Variants in TAX1BP1 observed in about 807,000 individuals in gnomAD.
TAX1BP1 encodes the protein tax1-binding protein 1.
In TAX1BP1, 62 loss-of-function variants were observed where a neutral mutation model predicts 97.7. The ratio of observed to expected loss-of-function variants is 0.63; its 90% CI spans 0.52 to 0.78. The LOEUF is 0.78. Among genes scored for constraint, TAX1BP1 ranks in the 30% least tolerant of loss-of-function variants. TAX1BP1 has a pLI of 0.00. For missense variants in TAX1BP1, 867 were observed against 916.1 expected, an observed-to-expected ratio of 0.95 and a Z score of 0.69; for synonymous variants, 340 against 304.2, an observed-to-expected ratio of 1.12 and a Z score of -1.23.
intron 11 of TAX1BP1, among the ~76,000 whole-genome samples, chr7:27,795,754 G>A (rs1035317318): frequency 2.6e-5 from 4 of 152,144 alleles, no homozygotes; most frequent in Non-Finnish European, 2.9e-5. Flanking sequence ...GGATTTCACC[G>A]TGTTAGCCAG....
At chr7:27,824,141 A>T (rs1201922229) in intron 15 of TAX1BP1, among the ~76,000 whole-genome samples, 1 of 152,166 alleles carries the variant, frequency 6.6e-6, no homozygotes, top group Non-Finnish European at 1.5e-5. Flanking sequence ...TATACCCTGA[A>T]GTAGAATTGC....
At position 27,769,840 on chromosome 7, in the gene TAX1BP1, T is replaced by G. The variant is rs1554314502; in HGVS notation, c.612+6T>G. 4.3e-6 allele frequency: 7 copies of G among 1,611,360 alleles called. No homozygotes were observed. The highest frequency in any genetic ancestry group is 5.9e-6 in the Non-Finnish European group (7 of 1,178,312). On this transcript the variant is annotated splice_donor_region_variant and intron_variant, in intron 5 of 16. Coordinates refer to ENST00000396319, the MANE Select transcript of TAX1BP1 (RefSeq NM_006024.7). ...AACTGCAAGCAGAACAAAAGGTTAGTTGTGTCTTATGTAACTGATTGAAGT... is the reference window on the plus strand; with the variant it reads ...AACTGCAAGCAGAACAAAAGGTTAGGTGTGTCTTATGTAACTGATTGAAGT...
rs376669585 is a variant in TAX1BP1, at chr7:27,785,310, A to G, written c.760A>G (p.Ser254Gly). Reference protein sequence around the residue: ...KAIEKETELDSLKDKLKKAQH... With the variant: ...KAIEKETELDGLKDKLKKAQH... ...AATTGAAAAAGAAACCGAATTAGACAGGTATTTCTCATGCTTTTAAAAAAT... is the reference window on the plus strand; with the variant it reads ...AATTGAAAAAGAAACCGAATTAGACGGGTATTTCTCATGCTTTTAAAAAAT... Residue 254 changes from serine (S) to glycine (G), a missense_variant and splice_region_variant, in exon 6 of 17, where the codon AGT becomes GGT. By Grantham distance (56) the Ser-to-Gly change is moderately conservative. Transcript: ENST00000396319. 1.3e-6 allele frequency: 2 copies of G among 1,597,806 alleles called. No individual in the cohort carries two copies. The highest frequency in any genetic ancestry group is 1.2e-5 in the South Asian group (1 of 86,834).
At chr7:27,755,568 C>G (rs1170800075) in intron 2 of TAX1BP1, among the ~76,000 whole-genome samples, 1 of 152,156 alleles carries the variant, frequency 6.6e-6, no homozygotes, top group Non-Finnish European at 1.5e-5. Context: ...CAAAACTTAT[C>G]CAACATGTTT....
chr7:27,741,244 GTT>G (rs1787585743), intron 1 of TAX1BP1, among the ~76,000 whole-genome samples: 1 of 152,178 alleles, frequency 6.6e-6, no homozygotes. Context: ...ATAGTTACAA[GTT>G]TGGTGCTCAA....
chr7:27,792,461 A>T (rs1373580279), intron 9 of TAX1BP1, among the ~76,000 whole-genome samples: 2 of 152,210 alleles, frequency 1.3e-5, no homozygotes, highest in African/African-American at 4.8e-5. Context: ...TGCCCTATTG[A>T]TTAAATATAT....
intron 1 of TAX1BP1, among the ~76,000 whole-genome samples, chr7:27,746,190 G>A (rs1201077276): frequency 2.6e-5 from 4 of 152,038 alleles, no homozygotes; most frequent in Admixed American, 6.5e-5. Flanking sequence ...AACATGGGAC[G>A]TTTATTCTAA....
chr7:27,742,021 C>T (rs1450466448), intron 1 of TAX1BP1, among the ~76,000 whole-genome samples: 1 of 152,244 alleles, frequency 6.6e-6, no homozygotes, highest in African/African-American at 2.4e-5. Flanking sequence ...TTGCTGCCCA[C>T]ATGTCCCACC....
intron 5 of TAX1BP1, among the ~76,000 whole-genome samples, chr7:27,778,345 G>A (rs1471723215): frequency 1.3e-5 from 2 of 151,944 alleles, no homozygotes; most frequent in Admixed American, 6.6e-5. Flanking sequence ...GGTAACTGTC[G>A]GTGGTCTAGT....
chr7:27,760,519 A>G (rs527908088), intron 3 of TAX1BP1, among the ~76,000 whole-genome samples: 1 of 151,682 alleles, frequency 6.6e-6, no homozygotes, highest in Non-Finnish European at 1.5e-5. Flanking sequence ...CAGCCTCCCA[A>G]GTAGCTGGGA....
intron 9 of TAX1BP1, among the ~76,000 whole-genome samples, chr7:27,792,507 T>G (rs1789758328): frequency 6.6e-6 from 1 of 152,222 alleles, no homozygotes. Flanking sequence ...TTGGAATTTC[T>G]TACTAGCTGT....
intron 13 of TAX1BP1, among the ~76,000 whole-genome samples, chr7:27,801,393 CTTA>C (rs1790133670): frequency 6.6e-6 from 1 of 151,966 alleles, no homozygotes; most frequent in Non-Finnish European, 1.5e-5. Context: ...GTTACATTAG[CTTA>C]TTATTTCTGT....
intron 15 of TAX1BP1, among the ~76,000 whole-genome samples, chr7:27,820,857 A>G (rs1790946484): frequency 6.6e-6 from 1 of 152,216 alleles, no homozygotes; most frequent in African/African-American, 2.4e-5. Context: ...TAGGTTGACT[A>G]TCCCTTATCC....
intron 5 of TAX1BP1, among the ~76,000 whole-genome samples, chr7:27,772,799 G>T (rs1157309208): frequency 6.6e-6 from 1 of 151,810 alleles, no homozygotes; most frequent in African/African-American, 2.4e-5. Flanking sequence ...AATAAACTAG[G>T]ATTACAAAGT....
chr7:27,816,905 C>T lies in TAX1BP1; in HGVS notation c.1952C>T (p.Ala651Val), dbSNP rs780286506. 8.7e-6 allele frequency: 14 copies of T among 1,613,722 alleles called. No individual in the cohort carries two copies. In the African/African-American group the frequency reaches 1.5e-4, roughly 17 times the overall value. The change falls in exon 15 of 17, where the codon GCT becomes GTT. Residue 651 changes from alanine (A) to valine (V), a missense_variant. Physicochemically the swap from Ala to Val is moderately conservative, Grantham distance 64. Transcript: ENST00000396319. Reference protein sequence around the residue: ...SQETRDGADGAFYPDEIQRPP... With the variant: ...SQETRDGADGVFYPDEIQRPP... The stretch of plus-strand genomic sequence containing the variant: ...TTTATTACAGATGGAGCAGATGGTG[C>T]TTTTTACCCAGATGAAATACAAAGG...
At chr7:27,750,889 C>T (rs1334924555) in intron 2 of TAX1BP1, among the ~76,000 whole-genome samples, 1 of 152,090 alleles carries the variant, frequency 6.6e-6, no homozygotes, top group Non-Finnish European at 1.5e-5. Flanking sequence ...TGCAATAGGT[C>T]AGCTGTTTTA....
At chr7:27,813,220 C>T (rs1027919532) in intron 13 of TAX1BP1, among the ~76,000 whole-genome samples, 5 of 137,232 alleles carry the variant, frequency 3.6e-5, no homozygotes, top group East Asian at 2.3e-4. Context: ...GTGGCTTGAT[C>T]GTAGTTCACT....
chr7:27,748,586 A>G lies in TAX1BP1; in HGVS notation c.62A>G (p.Asn21Ser). Residue 21 changes from asparagine to serine, a missense_variant, in exon 2 of 17, where the codon AAT becomes AGT. Coordinates refer to ENST00000396319, the MANE Select transcript of TAX1BP1 (RefSeq NM_006024.7). ...AACTTTGCCCATGTCATCTTTCAAAATGTGGCCAAGAGTTACCTTCCTAAT... is the reference window on the plus strand; with the variant it reads ...AACTTTGCCCATGTCATCTTTCAAAGTGTGGCCAAGAGTTACCTTCCTAAT... Reference protein sequence around the residue: ...TSNFAHVIFQNVAKSYLPNAH... With the variant: ...TSNFAHVIFQSVAKSYLPNAH... 1.2e-6 allele frequency: 2 copies of G among 1,605,718 alleles called. No individual in the cohort carries two copies. The highest frequency in any genetic ancestry group is 1.7e-6 in the Non-Finnish European group (2 of 1,175,312).
rs1481910990 is a variant in TAX1BP1, at chr7:27,827,534, C to T, written c.2086-204C>T. On this transcript the variant is annotated intron_variant, in intron 15 of 16. Transcript: ENST00000396319. ...TTCCTCTGAATACTGCTTTTTATTT[C>T]AAGAACACCACAGTGTTAGTTTATA... Among the ~76,000 whole-genome samples, 3 of 152,166 alleles carry T rather than the reference C, an allele frequency of 2.0e-5. No homozygotes were observed. In the East Asian group the frequency reaches 5.8e-4, roughly 29 times the overall value.
Sources: allele counts gnomAD v4.1 joint callset (sites outside exome capture counted in the v4.1 genomes callset), GRCh38; gene constraint gnomAD v4.1.1; transcripts MANE v1.5; gene names NCBI Gene and HGNC (gene_info 2026-07-23, HGNC 2026-07-21).